ARL6: variants seen among roughly 807,000 people sequenced by gnomAD.
ARL6 encodes ADP-ribosylation factor-like protein 6.
A neutral mutation model predicts 27.1 loss-of-function variants in ARL6; 18 were observed. That is an observed-to-expected ratio of 0.66 (90% CI 0.46 to 0.98). The LOEUF (loss-of-function observed/expected upper bound fraction) is 0.98, where lower values mean the gene tolerates loss of function less well. Among genes scored for constraint, ARL6 ranks in the 50% least tolerant of loss-of-function variants. The probability of loss-of-function intolerance (pLI) is 0.00; values close to 1 mark genes in which losing one functional copy is unlikely to be tolerated. For synonymous variants in ARL6, 65 were observed against 72.3 expected (o/e 0.90, Z 0.51); for missense variants, 187 against 214.9 (o/e 0.87, Z 0.81).
intron 1 of ARL6, among the ~76,000 whole-genome samples, chr3:97,767,540 A>T (rs1419243930): frequency 6.6e-6 from 1 of 150,790 alleles, no homozygotes; most frequent in Non-Finnish European, 1.5e-5. Flanking sequence ...GCAAAAAAAA[A>T]GTGAATTTAT....
chr3:97,798,184 T>G lies in ARL6; in HGVS notation c.*135T>G. 1.1e-6 allele frequency: 1 copy of G among 900,606 alleles called. No homozygotes were observed. Among genetic ancestry groups the G allele is most frequent in the Non-Finnish European group, 1.8e-6 (1 of 560,914 alleles). 55.8% of individuals were successfully genotyped at this position (900,606 alleles called of 1,614,324 possible). On this transcript the variant is annotated 3_prime_UTR_variant, in exon 8 of 8. Coordinates refer to ENST00000463745, the MANE Select transcript of ARL6 (RefSeq NM_001278293.3). ...CTTGCATTTATGGACTCTGACCTTT[T>G]TAAGAACATAGGACTTCAGGTATGC...
chr3:97,780,601 G>A lies in ARL6; in HGVS notation c.186-14G>A. 6.2e-7 allele frequency: 1 copy of A among 1,607,992 alleles called. No homozygotes were observed. Among genetic ancestry groups the A allele is most frequent in the Non-Finnish European group, 8.5e-7 (1 of 1,174,836 alleles). On this transcript the variant is annotated splice_polypyrimidine_tract_variant and intron_variant, in intron 3 of 7. Transcript: ENST00000463745. ...TTAGTTTATAATGTAGTCATGTTTT[G>A]CTTCTTTTTGTAGTTTGTCATTTAC...
chr3:97,765,319 AG>A, intron 1 of ARL6, among the ~76,000 whole-genome samples: 4 of 152,112 alleles, frequency 2.6e-5, no homozygotes, highest in Admixed American at 2.6e-4. Flanking sequence ...GGGTAATAAA[AG>A]TAGGCAACAT....
At chr3:97,766,275 C>T (rs576679778) in intron 1 of ARL6, among the ~76,000 whole-genome samples, 2 of 152,264 alleles carry the variant, frequency 1.3e-5, no homozygotes, top group South Asian at 2.1e-4. Flanking sequence ...TGAGTAATAG[C>T]AAATTTACTT....
At chr3:97,782,163 ATTTG>A (rs1331220956) in intron 4 of ARL6, among the ~76,000 whole-genome samples, 1 of 152,020 alleles carries the variant, frequency 6.6e-6, no homozygotes, top group African/African-American at 2.4e-5. Flanking sequence ...TGTGTTTCTT[ATTTG>A]TTTGTGTGTT....
chr3:97,764,532 T>C (rs560088881), upstream of ARL6: 12 of 152,466 alleles, frequency 7.9e-5, no homozygotes, highest in African/African-American at 2.6e-4. Context: ...ACTCCCATGA[T>C]GCTACGCCGG....
At chr3:97,765,936 G>C (rs975061545) in intron 1 of ARL6, 1 of 152,148 alleles carries the variant, frequency 6.6e-6, no homozygotes, top group African/African-American at 2.4e-5. Context: ...AAGTTTAAAG[G>C]CTCTATGATA....
intron 5 of ARL6, among the ~76,000 whole-genome samples, chr3:97,787,765 A>G (rs2037527595): frequency 6.6e-6 from 1 of 152,146 alleles, no homozygotes; most frequent in African/African-American, 2.4e-5. Context: ...CTTTGGTTAA[A>G]GCTCCTAACC....
At chr3:97,767,489 A>G (rs954128777) in intron 1 of ARL6, among the ~76,000 whole-genome samples, 1 of 151,948 alleles carries the variant, frequency 6.6e-6, no homozygotes, top group African/African-American at 2.4e-5. Flanking sequence ...CTTTGCTTCT[A>G]CTGAGAGAAA....
intron 4 of ARL6, among the ~76,000 whole-genome samples, chr3:97,780,969 G>A (rs1442639667): frequency 8.6e-5 from 13 of 152,034 alleles, no homozygotes; most frequent in Non-Finnish European, 1.5e-5. Flanking sequence ...TTAAAACTCA[G>A]CTAAAAGTCC....
chr3:97,771,147 A>G (rs2036618783), intron 2 of ARL6, among the ~76,000 whole-genome samples: 1 of 152,114 alleles, frequency 6.6e-6, no homozygotes, highest in East Asian at 1.9e-4. Flanking sequence ...TTAATCCATG[A>G]GCATAGATAG....
At position 97,792,057 on chromosome 3, in the gene ARL6, A is replaced by G. The variant is rs2037767127; in HGVS notation, c.535+231A>G. The G allele has an allele frequency of 1.4e-5, 7 of 491,974 alleles. No individual in the cohort carries two copies. In the East Asian group the frequency reaches 2.0e-4, roughly 14 times the overall value. 30.5% of individuals were successfully genotyped at this position (491,974 alleles called of 1,614,324 possible). ...GTGTTTGAATCTTTACAGTCAATAT[A>G]TATGACACATATAGAAAACAATTTA... On this transcript the variant is annotated intron_variant, in intron 7 of 7. Transcript: ENST00000463745.
intron 4 of ARL6, among the ~76,000 whole-genome samples, chr3:97,782,279 T>G (rs907312812): frequency 6.6e-6 from 1 of 151,918 alleles, no homozygotes; most frequent in Non-Finnish European, 1.5e-5. Context: ...TAAAAATACT[T>G]TAATTTTAAT....
chr3:97,795,725 TG>T (rs1052366928), intron 7 of ARL6, among the ~76,000 whole-genome samples: 1 of 152,026 alleles, frequency 6.6e-6, no homozygotes, highest in African/African-American at 2.4e-5. Flanking sequence ...AGGATGAACG[TG>T]GGATGAAAAG....
chr3:97,772,690 C>T (rs1358366118), intron 2 of ARL6, among the ~76,000 whole-genome samples: 28 of 141,098 alleles, frequency 2.0e-4, no homozygotes, highest in African/African-American at 7.2e-4. Context: ...GGTGTGATCT[C>T]GGCTCACTAC....
chr3:97,768,460 C>T (rs1361072762), intron 2 of ARL6, among the ~76,000 whole-genome samples: 1 of 151,974 alleles, frequency 6.6e-6, no homozygotes, highest in Non-Finnish European at 1.5e-5. Context: ...AAAAGTTCTT[C>T]ACAGATTTAC....
chr3:97,767,188 A>T (rs2036424008), intron 1 of ARL6, among the ~76,000 whole-genome samples: 1 of 152,148 alleles, frequency 6.6e-6, no homozygotes, highest in Non-Finnish European at 1.5e-5. Flanking sequence ...AGAAATGAAC[A>T]CTTTAGGGAC....
rs1576426242 is a variant in ARL6 at position 97,768,044 on chromosome 3, T to G, written c.-27-37T>G. 12 of 1,580,434 alleles carry G rather than the reference T, an allele frequency of 7.6e-6. No individual in the cohort carries two copies. The South Asian group carries it at 1.1e-4, about 15-fold the overall frequency. ...TACCAATATTTTCCATAACTTAAGG[T>G]GCCTTTGGGTAATATTTTATTTTTT... On this transcript the variant is annotated intron_variant, in intron 1 of 7. Transcript: ENST00000463745.
intron 7 of ARL6, among the ~76,000 whole-genome samples, chr3:97,794,398 G>C (rs536540566): frequency 6.6e-6 from 1 of 152,020 alleles, no homozygotes; most frequent in Admixed American, 6.6e-5. Flanking sequence ...ATTTTTAGTA[G>C]AGACAGGGTT....
Sources: gnomAD v4.1 joint callset for allele counts (sites outside exome capture counted in the v4.1 genomes callset) on GRCh38, gnomAD v4.1.1 for gene constraint, MANE v1.5 for transcripts, NCBI Gene and HGNC (gene_info 2026-07-23, HGNC 2026-07-21) for gene names.